The following PTPRE variants were observed in gnomAD, a reference collection of about 807,000 sequenced individuals.
PTPRE encodes the protein protein tyrosine phosphatase receptor type E.
A neutral mutation model predicts 102.0 loss-of-function variants in PTPRE; 51 were observed. The ratio of observed to expected loss-of-function variants is 0.50; its 90% CI spans 0.40 to 0.63. The LOEUF is 0.63. PTPRE is among the 30% of genes least tolerant of loss of function. PTPRE has a pLI of 0.00. For synonymous variants in PTPRE, 345 were observed against 348.2 expected, an observed-to-expected ratio of 0.99 and a Z score of 0.10; for missense variants, 752 against 915.1, an observed-to-expected ratio of 0.82 and a Z score of 2.30.
intron 2 of PTPRE, among the ~76,000 whole-genome samples, chr10:127,991,286 T>TA (rs1450462613): frequency 6.6e-6 from 1 of 152,270 alleles, no homozygotes; most frequent in Non-Finnish European, 1.5e-5. Context: ...GACATTCTGT[T>TA]ATGCTGTTTC....
chr10:128,076,440 G>T (rs184869330), intron 17 of PTPRE, among the ~76,000 whole-genome samples, 163 bp from the exon 18 acceptor site: 45 of 151,172 alleles, frequency 3.0e-4, no homozygotes, highest in African/African-American at 1.1e-3. Context: ...TGTTCCCTGG[G>T]TCAACAAGCA....
Position 128,043,813 on chromosome 10 carries a change from A to G in PTPRE, c.109+2823A>G, listed in dbSNP as rs545399842. Among the ~76,000 whole-genome samples, 4 of 152,338 alleles carry G rather than the reference A, an allele frequency of 2.6e-5. No individual in the cohort carries two copies. In the South Asian group the frequency reaches 8.3e-4, roughly 32 times the overall value. On this transcript the variant is annotated intron_variant, in intron 3 of 20. Coordinates refer to ENST00000254667, the MANE Select transcript of PTPRE (RefSeq NM_006504.6). ...GCTATTAAACAGAATGAGGAAGCTTATCTGGGCTGACATGGAAACTCTCCA... is the reference window on the plus strand; with the variant it reads ...GCTATTAAACAGAATGAGGAAGCTTGTCTGGGCTGACATGGAAACTCTCCA...
intron 7 of PTPRE, among the ~76,000 whole-genome samples, chr10:128,056,849 G>C (rs149563421): frequency 6.6e-6 from 1 of 151,976 alleles, no homozygotes; most frequent in Non-Finnish European, 1.5e-5. Flanking sequence ...TGGATGGGTC[G>C]TGACCTGGGG....
At chr10:127,965,064 C>T (rs1044062953) in intron 1 of PTPRE, 4 of 455,112 alleles carry the variant, frequency 8.8e-6, no homozygotes, top group Non-Finnish European at 1.8e-5. Context: ...GAAGATCTTG[C>T]ACTTGACTTC....
At chr10:128,071,931 G>T (rs1850804716) in intron 15 of PTPRE, 2 of 533,150 alleles carry the variant, frequency 3.8e-6, no homozygotes, top group Non-Finnish European at 6.6e-6. Flanking sequence ...AATGATAATT[G>T]GGTGGTTTTC....
chr10:128,071,030 A>G (rs1263385332), intron 15 of PTPRE, 129 bp downstream of exon 15: 2 of 853,540 alleles, frequency 2.3e-6, no homozygotes, highest in Non-Finnish European at 3.7e-6. Context: ...CTCTGGCCTC[A>G]GGCTAAGGGC....
At chr10:127,940,359 C>G (rs1280507105) in intron 1 of PTPRE, among the ~76,000 whole-genome samples, 1 of 152,216 alleles carries the variant, frequency 6.6e-6, no homozygotes, top group Non-Finnish European at 1.5e-5. Flanking sequence ...CAGCCAACCC[C>G]TAGGACAGCT....
chr10:127,976,148 A>T (rs996289196), intron 1 of PTPRE, among the ~76,000 whole-genome samples: 3 of 152,142 alleles, frequency 2.0e-5, no homozygotes, highest in Non-Finnish European at 2.9e-5. Flanking sequence ...AGATTTTTTT[A>T]AAAAACATGA....
At chr10:127,949,080 T>C (rs1425607304) in intron 1 of PTPRE, among the ~76,000 whole-genome samples, 1 of 152,164 alleles carries the variant, frequency 6.6e-6, no homozygotes, top group African/African-American at 2.4e-5. Flanking sequence ...CCTCAATCCA[T>C]CCCCTGGTTC....
At chr10:127,975,789 A>G (rs749614578) in intron 1 of PTPRE, among the ~76,000 whole-genome samples, 31 of 152,172 alleles carry the variant, frequency 2.0e-4, no homozygotes, top group South Asian at 6.2e-4. Flanking sequence ...TCCGAGCCCA[A>G]TTGGAGGAGC....
At position 127,907,809 on chromosome 10, in the gene PTPRE, C is replaced by T. The variant is rs1247714235; in HGVS notation, c.-31+500C>T. ...CTCTGCCAGGATGCTGCCCCGCAGC[C>T]GGGCGGGCGCCCGCGCCTTCCCAGG... On this transcript the variant is annotated intron_variant, in intron 1 of 20. Transcript: ENST00000254667. The surrounding 1 kb of genome is among the most constrained non-coding windows in gnomAD (Gnocchi z 4.8). Among the ~76,000 whole-genome samples, 1 of 152,182 alleles carries T rather than the reference C, an allele frequency of 6.6e-6. No individual in the cohort carries two copies. Among genetic ancestry groups the T allele is most frequent in the Non-Finnish European group, 1.5e-5 (1 of 68,024 alleles).
At chr10:127,932,249 C>T (rs1053445751) in intron 1 of PTPRE, among the ~76,000 whole-genome samples, 2 of 152,032 alleles carry the variant, frequency 1.3e-5, no homozygotes, top group Admixed American at 6.5e-5. Context: ...ATTAACATGC[C>T]GCGTTGAAGA....
At chr10:128,017,435 GA>G (rs548857045) in intron 2 of PTPRE, among the ~76,000 whole-genome samples, 33 of 152,230 alleles carry the variant, frequency 2.2e-4, no homozygotes, top group African/African-American at 7.5e-4. Context: ...GACAGGGTGA[GA>G]ATTTTTTTTC....
intron 3 of PTPRE, 75 bp from the exon 4 acceptor site, chr10:128,047,315 G>A: frequency 5.2e-6 from 8 of 1,533,610 alleles, no homozygotes; most frequent in Non-Finnish European, 7.0e-6. Flanking sequence ...CCAGGAAGAA[G>A]GGCTTATGGA....
At chr10:127,938,695 A>AT (rs562964210) in intron 1 of PTPRE, among the ~76,000 whole-genome samples, 3 of 152,102 alleles carry the variant, frequency 2.0e-5, no homozygotes, top group Non-Finnish European at 2.9e-5. Flanking sequence ...TAATATATAT[A>AT]TTTTTTTGCT....
chr10:128,052,208 T>A (rs974942957), intron 6 of PTPRE, among the ~76,000 whole-genome samples: 1 of 152,170 alleles, frequency 6.6e-6, no homozygotes, highest in African/African-American at 2.4e-5. Context: ...AGGGACATGC[T>A]CCCAACCCCA....
At chr10:127,970,071 A>G (rs561464930) in intron 1 of PTPRE, among the ~76,000 whole-genome samples, 12 of 152,244 alleles carry the variant, frequency 7.9e-5, no homozygotes, top group African/African-American at 2.9e-4. Flanking sequence ...TGTTTTTCAT[A>G]TAAGTACTTA....
intron 2 of PTPRE, among the ~76,000 whole-genome samples, chr10:128,025,958 G>T (rs1036847354): frequency 4.6e-5 from 7 of 152,180 alleles, no homozygotes; most frequent in African/African-American, 1.7e-4. Context: ...CCTTTCTTTG[G>T]CAGCCAGAGC....
At chr10:127,920,414 C>T (rs913287) in intron 1 of PTPRE, among the ~76,000 whole-genome samples, 22,998 of 152,074 alleles carry the variant, frequency 0.15, 2,642 homozygotes, top group African/African-American at 0.32. Context: ...TGCTGGTGGG[C>T]GTGTGACAGC....
Sources: gnomAD v4.1 joint callset for allele counts (sites outside exome capture counted in the v4.1 genomes callset) on GRCh38, gnomAD v4.1.1 for gene constraint, Gnocchi (gnomAD v3.1) non-coding constraint, MANE v1.5 for transcripts, NCBI Gene and HGNC (gene_info 2026-07-23, HGNC 2026-07-21) for gene names.